RANBP17: variants seen among roughly 807,000 people sequenced by gnomAD.
The protein encoded by RANBP17 is RAN binding protein 17.
RANBP17 carries 158 observed loss-of-function variants against 141.2 expected under a neutral mutation model. That is an observed-to-expected ratio of 1.12 (90% CI 0.98 to 1.28). The LOEUF (loss-of-function observed/expected upper bound fraction) is 1.28, where lower values mean the gene tolerates loss of function less well. Ranked by LOEUF, RANBP17 falls within the 50% of genes most tolerant of loss-of-function variation. The pLI is 0.00. For synonymous variants in RANBP17, 430 were observed against 450.0 expected (o/e 0.96, Z 0.56); for missense variants, 1,438 against 1,290.7 (o/e 1.11, Z -1.75).
intron 6 of RANBP17, 134 bp from the exon 7 acceptor site, chr5:170,910,835 T>C (rs10076811): frequency 0.7 from 567,310 of 806,690 alleles, 201,124 homozygotes; most frequent in South Asian, 0.9. Context: ...ATTACTTCCT[T>C]ATATATGGAA....
chr5:170,924,487 C>T lies in RANBP17; in HGVS notation c.1405C>T (p.Gln469Ter). 6.2e-7 allele frequency: 1 copy of T among 1,612,860 alleles called. No individual in the cohort carries two copies. The highest frequency in any genetic ancestry group is 8.5e-7 in the Non-Finnish European group (1 of 1,179,228). Residue 469 changes from glutamine to a stop codon, truncating the protein, a stop_gained, in exon 12 of 28, where the codon CAG becomes TAG. Transcript: ENST00000523189. LOFTEE classifies it high-confidence loss of function. ...TGTGCAGTTATTCGACCAAAATGCA[C>T]AGAATTACCAAAAACTTCTGCATCC... ...LLVQLFDQNA[Q>*]NYQKLLHPYS... is the part of the protein sequence containing the mutation.
intron 14 of RANBP17, among the ~76,000 whole-genome samples, chr5:171,034,843 G>A (rs762321189): frequency 3.9e-5 from 6 of 152,014 alleles, no homozygotes; most frequent in Non-Finnish European, 7.4e-5. Context: ...TTGAGACAAG[G>A]TCTCACTCTG....
At chr5:171,167,337 A>G (rs975323077) in intron 14 of RANBP17, among the ~76,000 whole-genome samples, 5 of 152,298 alleles carry the variant, frequency 3.3e-5, no homozygotes, top group Non-Finnish European at 5.9e-5. Flanking sequence ...AACAAAAATT[A>G]TGTCTGAGTT....
At chr5:171,080,433 A>T (rs1785197929) in intron 14 of RANBP17, among the ~76,000 whole-genome samples, 1 of 152,116 alleles carries the variant, frequency 6.6e-6, no homozygotes. Flanking sequence ...CTTTTTTGTG[A>T]ATTGTTTACA....
At chr5:171,005,640 C>T (rs549264061) in intron 14 of RANBP17, among the ~76,000 whole-genome samples, 1 of 152,140 alleles carries the variant, frequency 6.6e-6, no homozygotes, top group East Asian at 1.9e-4. Context: ...CCATAAAAAC[C>T]CTAGAAGAAA....
At chr5:170,875,317 C>T (rs1247058652) in intron 1 of RANBP17, among the ~76,000 whole-genome samples, 2 of 151,734 alleles carry the variant, frequency 1.3e-5, no homozygotes, top group African/African-American at 4.8e-5. Flanking sequence ...TGGGGTTGAT[C>T]GTCTTACTGA....
intron 14 of RANBP17, among the ~76,000 whole-genome samples, chr5:171,019,839 C>G (rs1780725919): frequency 6.6e-6 from 1 of 151,842 alleles, no homozygotes; most frequent in Admixed American, 6.6e-5. Context: ...TTGCTCTTTC[C>G]TCTCTAGCTG....
Position 171,183,392 on chromosome 5 carries a change from T to TCTA in RANBP17, c.2002_2004dup (p.Tyr668dup), listed in dbSNP as rs1196501239. The TCTA allele has an allele frequency of 6.2e-7, 1 of 1,613,998 alleles. No homozygotes were observed. The highest frequency in any genetic ancestry group is 8.5e-7 in the Non-Finnish European group (1 of 1,179,862). On this transcript the variant is annotated inframe_insertion, in exon 18 of 28. Transcript: ENST00000523189. ...AGCGACTTCAGGTGTCGAACAACCT[T>TCTA]CTACACAGCGCTCACTCGCCTTCTG...
intron 18 of RANBP17, among the ~76,000 whole-genome samples, chr5:171,185,617 A>C (rs1211722549): frequency 6.6e-6 from 1 of 152,290 alleles, no homozygotes; most frequent in Middle Eastern, 3.4e-3. Context: ...CATCCATTCA[A>C]GTTTTTTCAT....
At chr5:170,980,263 T>G (rs758176399) in intron 14 of RANBP17, among the ~76,000 whole-genome samples, 1 of 152,158 alleles carries the variant, frequency 6.6e-6, no homozygotes, top group East Asian at 1.9e-4. Flanking sequence ...TTTGGAAAAT[T>G]TGTAGCCTGA....
At chr5:171,284,103 G>C (rs887940447) in intron 25 of RANBP17, among the ~76,000 whole-genome samples, 5 of 152,160 alleles carry the variant, frequency 3.3e-5, no homozygotes, top group Admixed American at 6.5e-5. Context: ...GCCTCAGTTA[G>C]AGTTTACTTT....
chr5:170,910,928 T>A (rs763554098), intron 6 of RANBP17, 41 bp from the exon 7 acceptor site: 9 of 1,568,088 alleles, frequency 5.7e-6, no homozygotes. Context: ...AATTTATTGA[T>A]GTATTTCGCA....
intron 24 of RANBP17, among the ~76,000 whole-genome samples, chr5:171,264,567 A>G (rs1766543882): frequency 6.6e-6 from 1 of 152,220 alleles, no homozygotes; most frequent in Non-Finnish European, 1.5e-5. Context: ...AGTAACTATT[A>G]TAGTGCTGTA....
chr5:171,232,532 A>T (rs1212262432), intron 22 of RANBP17, among the ~76,000 whole-genome samples: 3 of 151,946 alleles, frequency 2.0e-5, no homozygotes, highest in African/African-American at 7.3e-5. Flanking sequence ...TAATATACCC[A>T]TGGGGGGGAA....
At chr5:171,101,206 C>T (rs1215620885) in intron 14 of RANBP17, among the ~76,000 whole-genome samples, 3 of 152,174 alleles carry the variant, frequency 2.0e-5, no homozygotes, top group East Asian at 1.9e-4. Context: ...GTGTTAAAGT[C>T]TCCCATTATT....
intron 26 of RANBP17, 152 bp from the exon 27 acceptor site, chr5:171,295,735 T>C: frequency 1.4e-6 from 1 of 699,216 alleles, no homozygotes; most frequent in Non-Finnish European, 2.4e-6. Flanking sequence ...GGATTTTCTC[T>C]AAGGGCTTAA....
chr5:171,276,645 A>G (rs1299897150), intron 25 of RANBP17, among the ~76,000 whole-genome samples: 3 of 152,178 alleles, frequency 2.0e-5, no homozygotes, highest in Non-Finnish European at 2.9e-5. Context: ...GTCTGCAACA[A>G]ATGTTCTCAG....
intron 25 of RANBP17, among the ~76,000 whole-genome samples, chr5:171,278,021 C>G (rs1393639610): frequency 8.7e-6 from 1 of 115,116 alleles, no homozygotes; most frequent in Non-Finnish European, 1.6e-5. Context: ...CAAGCTGGCT[C>G]AGTTTGAGTC....
intron 1 of RANBP17, among the ~76,000 whole-genome samples, chr5:170,865,966 A>G (rs1767223410): frequency 6.6e-6 from 1 of 152,172 alleles, no homozygotes; most frequent in African/African-American, 2.4e-5. Flanking sequence ...GGCAATATGC[A>G]CTAATTATTG....
Sources: gnomAD v4.1 joint callset for allele counts (sites outside exome capture counted in the v4.1 genomes callset) on GRCh38, gnomAD v4.1.1 for gene constraint, MANE v1.5 for transcripts, NCBI Gene and HGNC (gene_info 2026-07-23, HGNC 2026-07-21) for gene names.